PARD3: variants seen among roughly 807,000 people sequenced by gnomAD.
PARD3 encodes par-3 family cell polarity regulator.
PARD3 carries 75 observed loss-of-function variants against 155.4 expected under a neutral mutation model. That is an observed-to-expected ratio of 0.48 (90% confidence interval 0.40 to 0.58). The LOEUF (loss-of-function observed/expected upper bound fraction) is 0.58, where lower values mean the gene tolerates loss of function less well. Ranked by LOEUF, PARD3 falls within the 20% of genes least tolerant of loss-of-function variation. PARD3 has a pLI of 0.00. For synonymous variants in PARD3, 576 were observed against 610.5 expected (o/e 0.94, Z 0.83); for missense variants, 1,642 against 1,721.7 (o/e 0.95, Z 0.82).
At chr10:34,346,482 TTG>T in intron 15 of PARD3, 1 of 1,345,318 alleles carries the variant, frequency 7.4e-7, no homozygotes, top group Non-Finnish European at 9.9e-7. Context: ...GCATATCACT[TTG>T]TGTGCACAAA....
chr10:34,471,690 A>T (rs2078354474), intron 3 of PARD3, among the ~76,000 whole-genome samples: 1 of 152,104 alleles, frequency 6.6e-6, no homozygotes, highest in South Asian at 2.1e-4. Context: ...GAGTAGCTAC[A>T]GGCTACTACA....
At chr10:34,679,607 T>C (rs982891923) in intron 2 of PARD3, among the ~76,000 whole-genome samples, 2 of 151,978 alleles carry the variant, frequency 1.3e-5, no homozygotes, top group Non-Finnish European at 2.9e-5. Flanking sequence ...CAAAACAAAA[T>C]AGTCACAAGC....
intron 22 of PARD3, among the ~76,000 whole-genome samples, chr10:34,268,057 C>A (rs564278977): frequency 2.0e-5 from 3 of 152,102 alleles, no homozygotes; most frequent in Non-Finnish European, 4.4e-5. Flanking sequence ...CAATAACATG[C>A]GTATGTCTGA....
intron 2 of PARD3, among the ~76,000 whole-genome samples, chr10:34,621,467 G>A (rs2091673707): frequency 6.6e-6 from 1 of 151,982 alleles, no homozygotes; most frequent in Admixed American, 6.6e-5. Context: ...CAAGGTGCCG[G>A]TTGTACAGGC....
At position 34,563,055 on chromosome 10, in the gene PARD3, G is replaced by A. The variant is rs997180456; in HGVS notation, c.223-45896C>T. On this transcript the variant is annotated intron_variant, in intron 2 of 24. Transcript: ENST00000374788. ...CAAAGTGCTGGGATTACAAGCATAA[G>A]CCACCCCACCTGACCTTATTTATTG... Among the ~76,000 whole-genome samples, 5 of 152,064 alleles carry A rather than the reference G, an allele frequency of 3.3e-5. No individual in the cohort carries two copies. In the South Asian group the frequency reaches 1.0e-3, roughly 32 times the overall value.
intron 2 of PARD3, among the ~76,000 whole-genome samples, chr10:34,695,272 C>G (rs2094145163): frequency 6.6e-6 from 1 of 152,054 alleles, no homozygotes; most frequent in African/African-American, 2.4e-5. Context: ...GTCAGGAGTT[C>G]AAGACCAGCC....
At chr10:34,438,557 A>T (rs2076302261) in intron 5 of PARD3, among the ~76,000 whole-genome samples, 1 of 152,110 alleles carries the variant, frequency 6.6e-6, no homozygotes, top group Non-Finnish European at 1.5e-5. Context: ...ATCCACCCAT[A>T]ATACATGATA....
At chr10:34,343,363 T>C in intron 15 of PARD3, 1 of 982,656 alleles carries the variant, frequency 1.0e-6, no homozygotes, top group Non-Finnish European at 1.2e-6. Flanking sequence ...AACAAAGCAA[T>C]ATGAACACTG....
intron 2 of PARD3, among the ~76,000 whole-genome samples, chr10:34,539,084 A>C (rs1260453780): frequency 6.6e-6 from 1 of 152,212 alleles, no homozygotes. Context: ...CAGAAATACC[A>C]AAATTTTGAC....
chr10:34,377,951 TGG>T lies in PARD3; in HGVS notation c.1539+14_1539+15del. 1 of 1,509,710 alleles carries T rather than the reference TGG, an allele frequency of 6.6e-7. No homozygotes were observed. The highest frequency in any genetic ancestry group is 8.8e-7 in the Non-Finnish European group (1 of 1,136,304). 93.5% of individuals were successfully genotyped at this position (1,509,710 alleles called of 1,614,324 possible). ...TTTCAAGAATCAGGGAACATCCTGC[TGG>T]GGAAGTCACTTACCTCTATAAGTCT... On this transcript the variant is annotated intron_variant, in intron 10 of 24. Coordinates refer to ENST00000374788, the MANE Select transcript of PARD3 (RefSeq NM_001184785.2).
At chr10:34,773,299 G>C (rs1473910390) in intron 1 of PARD3, among the ~76,000 whole-genome samples, 2 of 152,096 alleles carry the variant, frequency 1.3e-5, no homozygotes, top group East Asian at 3.8e-4. Context: ...ACTTGGCCTA[G>C]TACAAGCATG....
At chr10:34,172,647 T>C (rs1203634012) in intron 22 of PARD3, among the ~76,000 whole-genome samples, 1 of 151,916 alleles carries the variant, frequency 6.6e-6, no homozygotes, top group Non-Finnish European at 1.5e-5. Context: ...CCATGCTGTA[T>C]GTCACAACTC....
At chr10:34,151,066 C>T (rs1374089430) in intron 22 of PARD3, among the ~76,000 whole-genome samples, 1 of 152,108 alleles carries the variant, frequency 6.6e-6, no homozygotes, top group African/African-American at 2.4e-5. Context: ...GTTTCTAAGG[C>T]CCAGTGAATA....
chr10:34,756,135 G>A (rs1371491685), intron 1 of PARD3, among the ~76,000 whole-genome samples: 3 of 145,178 alleles, frequency 2.1e-5, no homozygotes, highest in Admixed American at 6.9e-5. Flanking sequence ...ATCTCCCCAT[G>A]GCAAAAAAAT....
chr10:34,616,336 A>T (rs61227638), intron 2 of PARD3, among the ~76,000 whole-genome samples: 9,131 of 148,588 alleles, frequency 0.061, 852 homozygotes, highest in African/African-American at 0.21. Flanking sequence ...AAAAAAAATT[A>T]AAAAAAGCAG....
intron 2 of PARD3, among the ~76,000 whole-genome samples, chr10:34,571,525 A>T (rs1331456614): frequency 6.6e-6 from 1 of 152,216 alleles, no homozygotes; most frequent in East Asian, 1.9e-4. Flanking sequence ...AACCATTGCA[A>T]ATCAGATACT....
At chr10:34,241,761 T>C (rs895300118) in intron 22 of PARD3, among the ~76,000 whole-genome samples, 3 of 151,876 alleles carry the variant, frequency 2.0e-5, no homozygotes, top group African/African-American at 4.8e-5. Context: ...GGGAGCGAGG[T>C]CTCAACACCA....
chr10:34,240,753 C>G (rs936940273), intron 22 of PARD3, among the ~76,000 whole-genome samples: 2 of 152,132 alleles, frequency 1.3e-5, no homozygotes, highest in Non-Finnish European at 2.9e-5. Context: ...CAACCTCCCC[C>G]TTCCTGTCTC....
intron 2 of PARD3, among the ~76,000 whole-genome samples, chr10:34,564,484 AG>A (rs1026026767): frequency 7.9e-5 from 12 of 152,330 alleles, no homozygotes; most frequent in African/African-American, 2.9e-4. Context: ...CTTGCTCACA[AG>A]TCATCAGCAA....
Sources: gnomAD v4.1 joint callset for allele counts (sites outside exome capture counted in the v4.1 genomes callset) on GRCh38, gnomAD v4.1.1 for gene constraint, MANE v1.5 for transcripts, NCBI Gene and HGNC (gene_info 2026-07-23, HGNC 2026-07-21) for gene names.